ENTPD1: variants seen among roughly 807,000 people sequenced by gnomAD.
ENTPD1 encodes the protein ATP diphosphohydrolase.
ENTPD1 carries 33 observed loss-of-function variants against 57.0 expected under a neutral mutation model. The ratio of observed to expected loss-of-function variants is 0.58; its 90% confidence interval spans 0.44 to 0.77. The LOEUF (loss-of-function observed/expected upper bound fraction) is 0.77, where lower values mean the gene tolerates loss of function less well. ENTPD1 is among the 30% of genes least tolerant of loss of function. The pLI is 0.00. For synonymous variants in ENTPD1, 202 were observed against 218.8 expected, an observed-to-expected ratio of 0.92 and a Z score of 0.68; for missense variants, 501 against 603.4, an observed-to-expected ratio of 0.83 and a Z score of 1.78.
intron 7 of ENTPD1, among the ~76,000 whole-genome samples, chr10:95,851,927 T>A (rs2098445972): frequency 6.6e-6 from 1 of 152,186 alleles, no homozygotes; most frequent in African/African-American, 2.4e-5. Flanking sequence ...TGATTTATAA[T>A]CCTTTGGGTA....
intron 1 of ENTPD1, among the ~76,000 whole-genome samples, chr10:95,741,068 T>C (rs1278985073): frequency 6.6e-6 from 1 of 152,232 alleles, no homozygotes; most frequent in Non-Finnish European, 1.5e-5. Context: ...TTCTTTGCGT[T>C]CATAACTTGG....
At chr10:95,729,621 T>C (rs1409486681) in intron 1 of ENTPD1, among the ~76,000 whole-genome samples, 1 of 152,188 alleles carries the variant, frequency 6.6e-6, no homozygotes, top group African/African-American at 2.4e-5. Flanking sequence ...CTTGAAACAA[T>C]AGAGTCAGCA....
Position 95,805,445 on chromosome 10 carries a change from A to G in ENTPD1, c.17-17792A>G, listed in dbSNP as rs2098268057. 2.6e-5 allele frequency among the ~76,000 whole-genome samples: 4 copies of G among 152,050 alleles called. 1 individual carries two copies. The South Asian group carries it at 8.3e-4, about 31-fold the overall frequency. On this transcript the variant is annotated intron_variant, in intron 1 of 9. Transcript: ENST00000371205. ...CTGATGGGTCTTGACTCTTTATCCA[A>G]TTTGCCAGTCTATGTCTTTTAATTG...
intron 1 of ENTPD1, among the ~76,000 whole-genome samples, chr10:95,771,029 T>C (rs937365325): frequency 8.5e-5 from 13 of 152,176 alleles, no homozygotes; most frequent in African/African-American, 3.1e-4. Flanking sequence ...GTCTTTCTCT[T>C]GTTCCCTCTC....
At chr10:95,755,813 G>A, upstream of ENTPD1, 1 of 1,516,406 alleles carries the variant, frequency 6.6e-7, no homozygotes, top group Non-Finnish European at 8.9e-7. Context: ...GTAAGGAATA[G>A]CTTTTTTTGC....
At position 95,732,922 on chromosome 10, in the gene ENTPD1, C is replaced by T. The variant is rs540805773; in HGVS notation, c.37+20929C>T. On this transcript the variant is annotated intron_variant, in intron 1 of 9. Coordinates refer to the ENTPD1 transcript ENST00000453258. ...ATGGAGGCAGGGTGAGATCACAGGA[C>T]GGGGGCGAAATTAAAATTGCTAATG... 5.3e-5 allele frequency among the ~76,000 whole-genome samples: 8 copies of T among 152,176 alleles called. No homozygotes were observed. The East Asian group carries it at 9.6e-4, about 18-fold the overall frequency.
intron 2 of ENTPD1, among the ~76,000 whole-genome samples, chr10:95,828,709 AT>A (rs5787162): frequency 0.25 from 33,489 of 131,866 alleles, 3,801 homozygotes; most frequent in Admixed American, 0.36. Flanking sequence ...GGTTATCCCC[AT>A]TTTTTTTTTT....
chr10:95,754,702 G>C (rs3176894), upstream of ENTPD1: 4 of 152,244 alleles, frequency 2.6e-5, no homozygotes, highest in African/African-American at 9.6e-5. Context: ...AACTGACTCG[G>C]GAGAAGACAT....
upstream of ENTPD1, among the ~76,000 whole-genome samples, chr10:95,751,037 C>T (rs749514259): frequency 6.6e-6 from 1 of 151,950 alleles, no homozygotes; most frequent in Non-Finnish European, 1.5e-5. Flanking sequence ...CAAAACAAAA[C>T]AAAAATTCAG....
intron 8 of ENTPD1, chr10:95,861,647 G>T (rs1378811528): frequency 6.6e-6 from 1 of 152,086 alleles, no homozygotes; most frequent in Non-Finnish European, 1.5e-5. Context: ...GCTTAGCGGT[G>T]GTTTTTTGCA....
chr10:95,719,137 C>T (rs1232785633), intron 1 of ENTPD1, among the ~76,000 whole-genome samples: 5 of 152,212 alleles, frequency 3.3e-5, no homozygotes, highest in Non-Finnish European at 5.9e-5. Context: ...CACCACTACC[C>T]GTAAACAATG....
chr10:95,795,916 A>G (rs778467293), intron 1 of ENTPD1, among the ~76,000 whole-genome samples: 14 of 152,296 alleles, frequency 9.2e-5, no homozygotes, highest in South Asian at 4.1e-4. Flanking sequence ...TCAGTGAAAA[A>G]ATATCCCATG....
At chr10:95,749,539 T>G (rs772183066) in intron 1 of ENTPD1, among the ~76,000 whole-genome samples, 1 of 152,242 alleles carries the variant, frequency 6.6e-6, no homozygotes, top group Non-Finnish European at 1.5e-5. Flanking sequence ...CAAAGGGCCT[T>G]AGGCCATTTT....
At chr10:95,789,075 A>G (rs1000225804) in intron 1 of ENTPD1, among the ~76,000 whole-genome samples, 3 of 152,206 alleles carry the variant, frequency 2.0e-5, no homozygotes, top group Non-Finnish European at 4.4e-5. Flanking sequence ...GTGATCATGG[A>G]TGATGCAAAG....
At chr10:95,860,691 C>A in intron 8 of ENTPD1, 109 bp downstream of exon 8, 1 of 913,220 alleles carries the variant, frequency 1.1e-6, no homozygotes, top group Non-Finnish European at 1.8e-6. Flanking sequence ...CAAGATCCAG[C>A]AAATGTGTTA....
intron 1 of ENTPD1, among the ~76,000 whole-genome samples, chr10:95,808,431 C>T (rs959873528): frequency 3.3e-5 from 5 of 152,182 alleles, no homozygotes; most frequent in Admixed American, 3.3e-4. Context: ...TGCTCATATG[C>T]CTCGTAGAAT....
At chr10:95,858,253 G>T (rs114557126) in intron 7 of ENTPD1, among the ~76,000 whole-genome samples, 2,278 of 152,168 alleles carry the variant, frequency 0.015, 61 homozygotes, top group African/African-American at 0.053. Context: ...AGGGGAAGTG[G>T]AAGTCCAGGG....
intron 1 of ENTPD1, among the ~76,000 whole-genome samples, chr10:95,732,075 G>T (rs1178018212): frequency 6.6e-6 from 1 of 152,074 alleles, no homozygotes; most frequent in Non-Finnish European, 1.5e-5. Flanking sequence ...GAGCCACTGT[G>T]TCCGGCCAGA....
Position 95,745,661 on chromosome 10 carries a change from T to TA in ENTPD1, c.37+33675dup, listed in dbSNP as rs546723058. Among the ~76,000 whole-genome samples the TA allele has an allele frequency of 2.0e-3, 312 of 152,260 alleles. 1 individual carries two copies. The highest frequency in any genetic ancestry group is 7.2e-3 in the African/African-American group (299 of 41,552). Reference sequence around the variant, plus strand: ...GCAAGAGAGAGGAAGTAGTTATAGCTAAAAAAACTAAGGTAATGCCTACAC... The same window carrying TA: ...GCAAGAGAGAGGAAGTAGTTATAGCTAAAAAAAACTAAGGTAATGCCTACAC... On this transcript the variant is annotated intron_variant, in intron 1 of 9. Transcript: ENST00000453258.
Sources: allele counts gnomAD v4.1 joint callset (sites outside exome capture counted in the v4.1 genomes callset), GRCh38; gene constraint gnomAD v4.1.1; transcripts MANE v1.5; gene names NCBI Gene and HGNC (gene_info 2026-07-23, HGNC 2026-07-21).